CFAP74: variants seen among roughly 807,000 people sequenced by gnomAD.
CFAP74 encodes cilia and flagella associated protein 74.
CFAP74 carries 124 observed loss-of-function variants against 188.9 expected under a neutral mutation model. The ratio of observed to expected loss-of-function variants is 0.66; its 90% confidence interval spans 0.57 to 0.76. The LOEUF (loss-of-function observed/expected upper bound fraction) is 0.76. Ranked by LOEUF, CFAP74 falls within the 30% of genes least tolerant of loss-of-function variation. The pLI, the probability that CFAP74 is intolerant of heterozygous loss-of-function variation, is 0.00. For missense variants in CFAP74, 2,198 were observed against 2,165.2 expected (o/e 1.02, Z -0.30); for synonymous variants, 956 against 916.7 (o/e 1.04, Z -0.77).
At chr1:1,948,623 C>G (rs1453198512) in intron 18 of CFAP74, among the ~76,000 whole-genome samples, 1 of 142,298 alleles carries the variant, frequency 7.0e-6, no homozygotes, top group Non-Finnish European at 1.5e-5. Flanking sequence ...GGGTCTCACT[C>G]TGTCACCCAG....
At chr1:1,944,487 TC>T (rs768914622) in intron 20 of CFAP74, 35 bp from the exon 21 acceptor site, 724 of 1,531,140 alleles carry the variant, frequency 4.7e-4, no homozygotes, top group Non-Finnish European at 5.6e-4. Flanking sequence ...CAACAGGAGT[TC>T]CTTGGGCACA....
At chr1:1,944,568 C>A (rs1271526964) in intron 20 of CFAP74, 116 bp from the exon 21 acceptor site, 25 of 1,057,480 alleles carry the variant, frequency 2.4e-5, no homozygotes, top group Non-Finnish European at 3.0e-5. Flanking sequence ...TTTTCTAACT[C>A]TTTGGGACGG....
At chr1:1,981,872 G>T (rs1656897166) in intron 6 of CFAP74, among the ~76,000 whole-genome samples, 1 of 121,934 alleles carries the variant, frequency 8.2e-6, no homozygotes, top group Non-Finnish European at 1.7e-5. Flanking sequence ...ACAGACACGG[G>T]GGCACGCAGG....
chr1:1,929,256 C>G (rs1235708299), intron 26 of CFAP74, among the ~76,000 whole-genome samples: 3 of 143,584 alleles, frequency 2.1e-5, no homozygotes, highest in African/African-American at 7.9e-5. Flanking sequence ...CTGCACACAC[C>G]AGCCTTTCCA....
rs549247354 is a variant in CFAP74 at position 1,927,671 on chromosome 1, C to G, written c.3463G>C (p.Asp1155His). ...SFSVLRAQNR[D>H]KLFKVSVPHV... ...GGGACAGAGACTTTGAACAGCTTGT[C>G]GCGGTTCTGTGCTCGAAGAACGGAG... Residue 1155 changes from aspartate to histidine, a missense_variant, in exon 28 of 39, where the codon GAC becomes CAC. Coordinates refer to ENST00000682832, the MANE Select transcript of CFAP74 (RefSeq NM_001304360.2). 1 of 1,550,056 alleles carries G rather than the reference C, an allele frequency of 6.5e-7. No homozygotes were observed. Among genetic ancestry groups the G allele is most frequent in the Non-Finnish European group, 8.7e-7 (1 of 1,146,854 alleles).
chr1:1,936,331 G>T lies in CFAP74; in HGVS notation c.3011+2524C>A, dbSNP rs1479691035. Among the ~76,000 whole-genome samples, 7 of 150,378 alleles carry T rather than the reference G, an allele frequency of 4.7e-5. 1 individual carries two copies. The highest frequency in any genetic ancestry group is 5.9e-5 in the Non-Finnish European group (4 of 67,648). On this transcript the variant is annotated intron_variant, in intron 25 of 38. Transcript: ENST00000682832. ...GAGGCTGAGGCGGGTGGACCACAAG[G>T]TCAAGAGATCGAGACCATCCTGTCT...
chr1:1,997,865 C>T (rs1384414695), intron 1 of CFAP74, among the ~76,000 whole-genome samples: 3 of 152,312 alleles, frequency 2.0e-5, no homozygotes, highest in East Asian at 3.9e-4. Flanking sequence ...AGAGACAAGT[C>T]GGCCACATGC....
chr1:1,991,900 C>T (rs573210715), intron 1 of CFAP74, among the ~76,000 whole-genome samples: 4 of 151,038 alleles, frequency 2.6e-5, no homozygotes, highest in Admixed American at 6.6e-5. Context: ...ATTAGCCGGG[C>T]ATGGTGGCAG....
At chr1:1,993,923 A>C (rs1182647810) in intron 1 of CFAP74, among the ~76,000 whole-genome samples, 2 of 150,678 alleles carry the variant, frequency 1.3e-5, no homozygotes, top group Non-Finnish European at 3.0e-5. Flanking sequence ...CGGAGCTTGC[A>C]GTGAGCCGAG....
In CFAP74 at chr1:1,970,812, G is replaced by C. The variant is rs756021137; in HGVS notation, c.893C>G (p.Thr298Arg). ...LKGSISANRD[T>R]LRKFQAWDRA... ...GTCCCATGCTTGGAACTTCCGCAGTGTGTCCTTGGAAACAGAGAGCACTGA... is the reference window on the plus strand; with the variant it reads ...GTCCCATGCTTGGAACTTCCGCAGTCTGTCCTTGGAAACAGAGAGCACTGA... Residue 298 changes from threonine (T) to arginine (R), a missense_variant, in exon 10 of 39, where the codon ACA becomes AGA. Coordinates refer to ENST00000682832, the MANE Select transcript of CFAP74 (RefSeq NM_001304360.2). The C allele has an allele frequency of 1.9e-6, 3 of 1,614,062 alleles. No homozygotes were observed. The East Asian group carries it at 6.7e-5, about 36-fold the overall frequency.
chr1:1,990,837 ATTTG>A (rs1657523332), intron 2 of CFAP74, 49 bp downstream of exon 2: 29 of 1,419,516 alleles, frequency 2.0e-5, no homozygotes, highest in Non-Finnish European at 1.9e-5. Flanking sequence ...GAAGCATGTC[ATTTG>A]TTTGTCTTTT....
chr1:1,985,189 A>G, intron 6 of CFAP74, 197 bp downstream of exon 6: 1 of 542,330 alleles, frequency 1.8e-6, no homozygotes, highest in Non-Finnish European at 3.3e-6. Context: ...AACATAAACA[A>G]ACCCAGAGAA....
Position 1,968,718 on chromosome 1 carries a change from G to A in CFAP74, c.1162C>T (p.Arg388Trp), listed in dbSNP as rs551712356. Residue 388 changes from arginine (R) to tryptophan (W), a missense_variant, in exon 11 of 39, where the codon CGG (arginine) becomes TGG (tryptophan). Physicochemically the swap from Arg to Trp is moderately radical, Grantham distance 101 (BLOSUM62 -3). Transcript: ENST00000682832. The surrounding 1 kb of genome is among the most constrained non-coding windows in gnomAD (Gnocchi z 4.3). ...CAGGTCTTGTCCCTCAGGGTCAGCC[G>A]GTGCCTGGCACTGGTGGGGGGATGC... ...KQHPPTSARH[R>W]LTLRDKTWNY... 40 of 1,614,058 alleles carry A rather than the reference G, an allele frequency of 2.5e-5. No individual in the cohort carries two copies. The highest frequency in any genetic ancestry group is 1.8e-4 in the East Asian group (8 of 44,876).
chr1:1,966,837 ATTTTT>A (rs756219387), intron 11 of CFAP74, among the ~76,000 whole-genome samples: 1 of 135,688 alleles, frequency 7.4e-6, no homozygotes, highest in Admixed American at 7.4e-5. Context: ...ATCTGTTCTC[ATTTTT>A]TTTTTTTTTT....
chr1:1,969,655 G>A (rs937632004), intron 10 of CFAP74, among the ~76,000 whole-genome samples: 3 of 152,366 alleles, frequency 2.0e-5, no homozygotes, highest in Non-Finnish European at 2.9e-5. Flanking sequence ...TACATGCCAG[G>A]CCTGCGCCAG....
At chr1:1,988,816 T>TGGGGGG in intron 3 of CFAP74, 73 bp downstream of exon 3, 3 of 569,866 alleles carry the variant, frequency 5.3e-6, no homozygotes, top group Non-Finnish European at 5.9e-6. Flanking sequence ...CCCGCTCCCT[T>TGGGGGG]CACCCACCCC....
At chr1:1,948,714 G>A (rs1317998724) in intron 18 of CFAP74, among the ~76,000 whole-genome samples, 2 of 150,302 alleles carry the variant, frequency 1.3e-5, no homozygotes, top group African/African-American at 4.9e-5. Context: ...TCAGCATCCT[G>A]AGTAGCTGGG....
chr1:1,925,763 A>G lies in CFAP74; in HGVS notation c.4104+20T>C, dbSNP rs1557983509. 4 of 1,601,576 alleles carry G rather than the reference A, an allele frequency of 2.5e-6. No individual in the cohort carries two copies. On this transcript the variant is annotated intron_variant, in intron 33 of 38. Transcript: ENST00000682832. ...CTCCTGGGAGGCTGGAGCCAGCACC[A>G]GGGCCCACGTGTGCTTCACCTTGAA...
At chr1:1,932,688 G>GGTT (rs1015044419) in intron 25 of CFAP74, among the ~76,000 whole-genome samples, 1 of 151,260 alleles carries the variant, frequency 6.6e-6, no homozygotes, top group Admixed American at 6.6e-5. Context: ...CCGCCTCCCG[G>GGTT]GTTCAATGAT....
Sources: gnomAD v4.1 joint callset for allele counts (sites outside exome capture counted in the v4.1 genomes callset) on GRCh38, gnomAD v4.1.1 for gene constraint, Gnocchi (gnomAD v3.1) non-coding constraint, MANE v1.5 for transcripts, NCBI Gene and HGNC (gene_info 2026-07-23, HGNC 2026-07-21) for gene names.